The following MYO3A variants were observed in gnomAD, a reference collection of about 807,000 sequenced individuals.
MYO3A encodes myosin-IIIa.
Under a neutral mutation model 192.7 loss-of-function variants are expected in MYO3A, and 180 were observed. The ratio of observed to expected loss-of-function variants is 0.93; its 90% CI spans 0.83 to 1.06. The LOEUF (loss-of-function observed/expected upper bound fraction) is 1.06, where lower values mean the gene tolerates loss of function less well. Among genes scored for constraint, MYO3A ranks in the 50% least tolerant of loss-of-function variants. MYO3A has a pLI of 0.00. For synonymous variants in MYO3A, 628 were observed against 645.3 expected (o/e 0.97, Z 0.41); for missense variants, 1,896 against 1,905.0 (o/e 1.00, Z 0.09).
chr10:26,003,812 G>A (rs1456945954), intron 6 of MYO3A, among the ~76,000 whole-genome samples: 1 of 152,122 alleles, frequency 6.6e-6, no homozygotes, highest in African/African-American at 2.4e-5. Context: ...CAAAAGTACA[G>A]AATGTACTTT....
At position 26,211,952 on chromosome 10, in the gene MYO3A, C is replaced by T. The variant is rs146106052; in HGVS notation, c.4840C>T (p.Gln1614Ter). Residue 1614 changes from glutamine (Q) to a stop codon, truncating the protein, a stop_gained, in exon 35 of 35, where the codon CAG (glutamine) becomes TAG (stop). Transcript: ENST00000642920. LOFTEE classifies it high-confidence loss of function. ...RKTSQRRRLV[Q>*]QS ...AACCTCCCAGCGCCGGCGCCTCGTC[C>T]AGCAGTCCTAACCGTTCAACGAGGC... The T allele has an allele frequency of 1.9e-4, 312 of 1,613,834 alleles. No individual in the cohort carries two copies. Among genetic ancestry groups the T allele is most frequent in the Non-Finnish European group, 2.4e-4 (288 of 1,179,962 alleles).
intron 4 of MYO3A, among the ~76,000 whole-genome samples, chr10:25,974,094 A>T (rs1588686043): frequency 6.6e-6 from 1 of 152,336 alleles, no homozygotes; most frequent in East Asian, 1.9e-4. Flanking sequence ...GACAAATGGG[A>T]TCTAATTCAA....
chr10:25,995,262 C>CA (rs1840350833), intron 4 of MYO3A, among the ~76,000 whole-genome samples: 1 of 152,176 alleles, frequency 6.6e-6, no homozygotes, highest in Non-Finnish European at 1.5e-5. Context: ...ATTTGATCTT[C>CA]AATCGCTGAT....
chr10:26,024,483 G>A (rs1842452521), intron 9 of MYO3A, among the ~76,000 whole-genome samples: 1 of 152,084 alleles, frequency 6.6e-6, no homozygotes. Flanking sequence ...GTTAGTATTG[G>A]CATGTGTGGA....
At chr10:26,078,418 G>T (rs1255539023) in intron 14 of MYO3A, among the ~76,000 whole-genome samples, 1 of 151,646 alleles carries the variant, frequency 6.6e-6, no homozygotes, top group Non-Finnish European at 1.5e-5. Flanking sequence ...CTTGCTAATG[G>T]TCTATCAATT....
Position 26,168,722 on chromosome 10 carries a change from A to C in MYO3A, c.3122A>C (p.Lys1041Thr). Residue 1041 changes from lysine (K) to threonine (T), a missense_variant, in exon 28 of 35, where the codon AAG (lysine) becomes ACG (threonine). Physicochemically the swap from Lys to Thr is moderately conservative, Grantham distance 78 (BLOSUM62 -1). Transcript: ENST00000642920. The stretch of plus-strand genomic sequence containing the variant: ...ATTTTAATTTTTCAGGTGTTCCTTA[A>C]GTATTATCACGTGGAGCAGTTAAAT... ...WALGKTKVFL[K>T]YYHVEQLNLM... 1 of 1,612,878 alleles carries C rather than the reference A, an allele frequency of 6.2e-7. No homozygotes were observed. The highest frequency in any genetic ancestry group is 8.5e-7 in the Non-Finnish European group (1 of 1,179,532).
At chr10:26,116,295 T>C (rs2131673640) in intron 17 of MYO3A, among the ~76,000 whole-genome samples, 1 of 152,274 alleles carries the variant, frequency 6.6e-6, no homozygotes, top group Non-Finnish European at 1.5e-5. Context: ...TCCCCAGTAA[T>C]GATTGGTATT....
chr10:26,106,880 A>G (rs867513898), intron 17 of MYO3A, among the ~76,000 whole-genome samples: 2 of 152,046 alleles, frequency 1.3e-5, no homozygotes, highest in Non-Finnish European at 2.9e-5. Flanking sequence ...ATGAGCTAGT[A>G]TTTTATTTCG....
intron 9 of MYO3A, among the ~76,000 whole-genome samples, chr10:26,024,345 C>T (rs935465638): frequency 2.0e-5 from 3 of 152,144 alleles, no homozygotes; most frequent in Non-Finnish European, 4.4e-5. Flanking sequence ...TTCTGTTCGC[C>T]TGTGTTTTGC....
At chr10:26,112,091 T>C (rs1338262855) in intron 17 of MYO3A, among the ~76,000 whole-genome samples, 1 of 152,246 alleles carries the variant, frequency 6.6e-6, no homozygotes, top group Admixed American at 6.5e-5. Flanking sequence ...CACTAATGTT[T>C]ACTAACATTA....
intron 2 of MYO3A, among the ~76,000 whole-genome samples, chr10:25,946,522 T>C (rs986047954): frequency 2.2e-5 from 3 of 138,980 alleles, no homozygotes; most frequent in Admixed American, 1.4e-4. Flanking sequence ...AAGTTTCCCT[T>C]TTTTTTTTTT....
chr10:25,948,248 G>A (rs1836986739), intron 2 of MYO3A, among the ~76,000 whole-genome samples: 1 of 152,018 alleles, frequency 6.6e-6, no homozygotes, highest in Admixed American at 6.6e-5. Flanking sequence ...AGAAGAATTA[G>A]GTGCATGTTT....
intron 25 of MYO3A, among the ~76,000 whole-genome samples, chr10:26,155,873 C>G (rs1266340924): frequency 1.3e-5 from 2 of 152,170 alleles, no homozygotes; most frequent in African/African-American, 2.4e-5. Context: ...TTGTTGGCAT[C>G]AAACACTGTA....
chr10:25,987,515 GA>G (rs935607458), intron 4 of MYO3A, among the ~76,000 whole-genome samples: 10 of 151,338 alleles, frequency 6.6e-5, no homozygotes, highest in Non-Finnish European at 1.5e-4. Flanking sequence ...AAATCAGCAA[GA>G]AAAAAAATCC....
chr10:26,005,024 T>C (rs116670223), intron 6 of MYO3A, among the ~76,000 whole-genome samples: 1,641 of 152,294 alleles, frequency 0.011, 25 homozygotes, highest in African/African-American at 0.036. Flanking sequence ...TGATTAGAAA[T>C]AGGGTAGCTT....
chr10:26,000,471 T>C (rs1291569791), intron 6 of MYO3A, among the ~76,000 whole-genome samples: 1 of 152,238 alleles, frequency 6.6e-6, no homozygotes, highest in Non-Finnish European at 1.5e-5. Flanking sequence ...TGAGGTAACA[T>C]TCAGTTTTTA....
intron 34 of MYO3A, among the ~76,000 whole-genome samples, chr10:26,203,413 T>C (rs763135712): frequency 6.6e-6 from 1 of 152,182 alleles, no homozygotes; most frequent in Non-Finnish European, 1.5e-5. Context: ...GTCATCTGAT[T>C]GTAAGCAATA....
chr10:26,128,253 A>G (rs1839327009), intron 19 of MYO3A, 138 bp from the exon 20 acceptor site: 1 of 807,940 alleles, frequency 1.2e-6, no homozygotes, highest in Non-Finnish European at 2.0e-6. Flanking sequence ...AAGCTATTTC[A>G]GTTAAGAAAG....
At chr10:26,107,606 T>A (rs1837899595) in intron 17 of MYO3A, among the ~76,000 whole-genome samples, 1 of 152,172 alleles carries the variant, frequency 6.6e-6, no homozygotes, top group African/African-American at 2.4e-5. Flanking sequence ...GAATTTGTTT[T>A]TCTCTTTCAG....
Sources: gnomAD v4.1 joint callset for allele counts (sites outside exome capture counted in the v4.1 genomes callset) on GRCh38, gnomAD v4.1.1 for gene constraint, MANE v1.5 for transcripts, NCBI Gene and HGNC (gene_info 2026-07-23, HGNC 2026-07-21) for gene names.